Variants in PLCL1 observed in about 807,000 individuals in gnomAD.
PLCL1 encodes the protein inactive phospholipase C-like protein 1.
Under a neutral mutation model 84.4 loss-of-function variants are expected in PLCL1, and 41 were observed. The ratio of observed to expected loss-of-function variants is 0.49; its 90% CI spans 0.38 to 0.63. PLCL1 has a LOEUF of 0.63. Among genes scored for constraint, PLCL1 ranks in the 30% least tolerant of loss-of-function variants. PLCL1 has a pLI of 0.00. For missense variants in PLCL1, 1,206 were observed against 1,367.8 expected (o/e 0.88, Z 1.87); for synonymous variants, 490 against 488.3 (o/e 1.00, Z -0.05).
At chr2:197,913,880 T>TTA (rs141941379) in intron 1 of PLCL1, among the ~76,000 whole-genome samples, 2,737 of 150,202 alleles carry the variant, frequency 0.018, 36 homozygotes, top group Non-Finnish European at 0.029. Context: ...TGTCTTGGTT[T>TTA]TATATATATA....
At position 198,085,235 on chromosome 2, in the gene PLCL1, A is replaced by G. The variant is rs755347714; in HGVS notation, c.1718A>G (p.Asn573Ser). 10 of 1,614,032 alleles carry G rather than the reference A, an allele frequency of 6.2e-6. No homozygotes were observed. The highest frequency in any genetic ancestry group is 4.5e-5 in the East Asian group (2 of 44,882). Reference protein sequence around the residue: ...EMSRRMSVDYNGEQKQIRLCR... With the variant: ...EMSRRMSVDYSGEQKQIRLCR... ...TCTCGAAGGATGTCGGTAGATTACAATGGTGAGCAGAAGCAAATCCGACTC... is the reference window on the plus strand; with the variant it reads ...TCTCGAAGGATGTCGGTAGATTACAGTGGTGAGCAGAAGCAAATCCGACTC... Residue 573 changes from asparagine to serine, a missense_variant, in exon 2 of 6, where the codon AAT becomes AGT. By Grantham distance (46) the Asn-to-Ser change is conservative. Coordinates refer to ENST00000428675, the MANE Select transcript of PLCL1 (RefSeq NM_006226.4). This position sits in a 1 kb window ranked among gnomAD's most constrained non-coding sequence, Gnocchi z 5.3.
rs187217920 is a variant in PLCL1 at position 197,918,709 on chromosome 2, C to A, written c.240+113370C>A. Among the ~76,000 whole-genome samples, 560 of 152,072 alleles carry A rather than the reference C, an allele frequency of 3.7e-3. 2 individuals are homozygous for A. The highest frequency in any genetic ancestry group is 5.9e-3 in the Non-Finnish European group (400 of 67,986). ...GGTTGAGGCAGGCAGATAGCTTGAGCCCAGGAGTTTGAGACCAGCCTGAGC... is the reference window on the plus strand; with the variant it reads ...GGTTGAGGCAGGCAGATAGCTTGAGACCAGGAGTTTGAGACCAGCCTGAGC... On this transcript the variant is annotated intron_variant, in intron 1 of 5. Transcript: ENST00000428675.
intron 1 of PLCL1, among the ~76,000 whole-genome samples, chr2:197,998,122 CTG>C (rs1415843825): frequency 1.3e-5 from 2 of 150,222 alleles, no homozygotes; most frequent in African/African-American, 4.9e-5. Context: ...GGAGAAGAAA[CTG>C]TGCCTATTTA....
At chr2:197,811,397 AAG>A (rs1035384608) in intron 1 of PLCL1, among the ~76,000 whole-genome samples, 1 of 152,226 alleles carries the variant, frequency 6.6e-6, no homozygotes, top group African/African-American at 2.4e-5. Context: ...TTGTGAATAT[AAG>A]AGAGAGATAT....
At chr2:197,918,311 C>T (rs537832521) in intron 1 of PLCL1, among the ~76,000 whole-genome samples, 3 of 152,006 alleles carry the variant, frequency 2.0e-5, no homozygotes, top group African/African-American at 7.3e-5. Flanking sequence ...CTATCACAGC[C>T]GAGAGGAGCC....
chr2:197,880,211 G>A (rs1559033596), intron 1 of PLCL1, among the ~76,000 whole-genome samples: 1 of 152,100 alleles, frequency 6.6e-6, no homozygotes, highest in Non-Finnish European at 1.5e-5. Flanking sequence ...GCAGAGCAGT[G>A]ATCTAATGAT....
At chr2:197,984,638 A>G (rs1036586171) in intron 1 of PLCL1, among the ~76,000 whole-genome samples, 2 of 152,198 alleles carry the variant, frequency 1.3e-5, no homozygotes, top group Admixed American at 6.5e-5. Context: ...AAATTTGCAA[A>G]AGAGATTTGT....
intron 1 of PLCL1, among the ~76,000 whole-genome samples, chr2:198,044,550 G>A (rs769527755): frequency 2.6e-5 from 4 of 152,146 alleles, no homozygotes; most frequent in Non-Finnish European, 5.9e-5. Flanking sequence ...ATATGTTATA[G>A]TACTAATTTT....
At chr2:197,943,196 CAAAA>C (rs869096042) in intron 1 of PLCL1, among the ~76,000 whole-genome samples, 1,908 of 104,920 alleles carry the variant, frequency 0.018, 49 homozygotes, top group African/African-American at 0.064. Context: ...GACCCTCTCT[CAAAA>C]AAAAAAAAAA....
intron 1 of PLCL1, among the ~76,000 whole-genome samples, chr2:197,816,803 T>C (rs1690698983): frequency 6.6e-6 from 1 of 152,176 alleles, no homozygotes; most frequent in Non-Finnish European, 1.5e-5. Context: ...GAGGCAGATA[T>C]AGTGCCTTAC....
intron 1 of PLCL1, among the ~76,000 whole-genome samples, chr2:197,935,069 A>C (rs1689023026): frequency 6.6e-6 from 1 of 152,234 alleles, no homozygotes; most frequent in Non-Finnish European, 1.5e-5. Flanking sequence ...AATGCAAATC[A>C]AAACCACAAC....
Position 197,822,324 on chromosome 2 carries a change from G to A in PLCL1, c.240+16985G>A, listed in dbSNP as rs1256393789. Among the ~76,000 whole-genome samples, 7 of 152,168 alleles carry A rather than the reference G, an allele frequency of 4.6e-5. No homozygotes were observed. The East Asian group carries it at 5.8e-4, about 13-fold the overall frequency. ...ATTTCATTTTCAGTCTGCTTTTGTC[G>A]TTTGAAAAAATTCTTACGTTGAGCC... On this transcript the variant is annotated intron_variant, in intron 1 of 5. Transcript: ENST00000428675.
Position 198,006,557 on chromosome 2 carries a change from T to C in PLCL1, c.241-77201T>C, listed in dbSNP as rs558227639. Among the ~76,000 whole-genome samples, 8 of 152,358 alleles carry C rather than the reference T, an allele frequency of 5.3e-5. 1 individual carries two copies. The South Asian group carries it at 1.7e-3, about 32-fold the overall frequency. On this transcript the variant is annotated intron_variant, in intron 1 of 5. Transcript: ENST00000428675. The stretch of plus-strand genomic sequence containing the variant: ...ATTGCATGTATAATGTTTATATTTA[T>C]GTTTATTCGCAGTTTATTTTTGCCA...
chr2:197,868,671 ATT>A (rs1003518323), intron 1 of PLCL1, among the ~76,000 whole-genome samples: 5 of 138,672 alleles, frequency 3.6e-5, no homozygotes, highest in Middle Eastern at 3.7e-3. Context: ...GGCTAATTGA[ATT>A]TTTTTTTTTT....
intron 1 of PLCL1, among the ~76,000 whole-genome samples, chr2:197,822,268 G>A (rs1690830107): frequency 6.6e-6 from 1 of 152,122 alleles, no homozygotes; most frequent in African/African-American, 2.4e-5. Context: ...CTTCCAGTCA[G>A]CAGGGAGTTG....
intron 1 of PLCL1, among the ~76,000 whole-genome samples, chr2:197,999,374 T>C (rs1401055014): frequency 6.6e-6 from 1 of 152,216 alleles, no homozygotes. Flanking sequence ...GTAGTAGCAG[T>C]GATAGTAATA....
Position 197,850,031 on chromosome 2 carries a change from G to GACACACACACACACACACACACAC in PLCL1, c.240+44717_240+44740dup, listed in dbSNP as rs5837563. ...ACACACAGACACACAGACACACACAGACACACACACACACACACACACACA... is the reference window on the plus strand; with the variant it reads ...ACACACAGACACACAGACACACACAGACACACACACACACACACACACACACACACACACACACACACACACACA... On this transcript the variant is annotated intron_variant, in intron 1 of 5. Coordinates refer to ENST00000428675, the MANE Select transcript of PLCL1 (RefSeq NM_006226.4). Among the ~76,000 whole-genome samples the GACACACACACACACACACACACAC allele has an allele frequency of 3.4e-4, 46 of 135,000 alleles. 1 individual carries two copies. The highest frequency in any genetic ancestry group is 6.8e-4 in the African/African-American group (25 of 36,962). 88.6% of individuals were successfully genotyped at this position (135,000 alleles called of 152,430 possible).
intron 1 of PLCL1, among the ~76,000 whole-genome samples, chr2:197,855,045 C>G (rs905285522): frequency 1.3e-5 from 2 of 152,126 alleles, no homozygotes; most frequent in East Asian, 3.9e-4. Flanking sequence ...CCTCTTTTGG[C>G]TAATATTCTG....
chr2:198,127,008 GT>G (rs1471001180), intron 5 of PLCL1, among the ~76,000 whole-genome samples: 602 of 52,672 alleles, frequency 0.011, 4 homozygotes, highest in African/African-American at 0.028. Context: ...GTGTGTGTGT[GT>G]GTGGGGGGTG....
Sources: gnomAD v4.1 joint callset for allele counts (sites outside exome capture counted in the v4.1 genomes callset) on GRCh38, gnomAD v4.1.1 for gene constraint, Gnocchi (gnomAD v3.1) non-coding constraint, MANE v1.5 for transcripts, NCBI Gene and HGNC (gene_info 2026-07-23, HGNC 2026-07-21) for gene names.